The following KCNK2 variants were observed in gnomAD, a reference collection of about 807,000 sequenced individuals.
The protein encoded by KCNK2 is potassium two pore domain channel subfamily K member 2.
KCNK2 carries 21 observed loss-of-function variants against 40.5 expected under a neutral mutation model. That is an observed-to-expected ratio of 0.52 (90% confidence interval 0.37 to 0.75). The LOEUF (loss-of-function observed/expected upper bound fraction) is 0.75, where lower values mean the gene tolerates loss of function less well. Among genes scored for constraint, KCNK2 ranks in the 30% least tolerant of loss-of-function variants. The pLI, the probability that KCNK2 is intolerant of heterozygous loss-of-function variation, is 0.00. For synonymous variants in KCNK2, 191 were observed against 202.2 expected, an observed-to-expected ratio of 0.94 and a Z score of 0.47; for missense variants, 399 against 531.6, an observed-to-expected ratio of 0.75 and a Z score of 2.45.
intron 2 of KCNK2, among the ~76,000 whole-genome samples, chr1:215,095,686 C>T (rs1288953578): frequency 6.6e-6 from 1 of 152,024 alleles, no homozygotes; most frequent in Non-Finnish European, 1.5e-5. Flanking sequence ...TTACCCAACC[C>T]TACAAACCAA....
chr1:215,044,622 A>G (rs973861985), intron 1 of KCNK2, among the ~76,000 whole-genome samples: 1 of 152,158 alleles, frequency 6.6e-6, no homozygotes, highest in African/African-American at 2.4e-5. Flanking sequence ...GATTTAATTA[A>G]TAGATTAACC....
intron 2 of KCNK2, among the ~76,000 whole-genome samples, chr1:215,111,128 G>T (rs1051829152): frequency 6.6e-6 from 1 of 152,116 alleles, no homozygotes; most frequent in Non-Finnish European, 1.5e-5. Context: ...TTAGTAGTAT[G>T]CACTTAACGT....
chr1:215,131,894 G>T (rs940811561), intron 3 of KCNK2, among the ~76,000 whole-genome samples: 3 of 152,048 alleles, frequency 2.0e-5, no homozygotes, highest in African/African-American at 7.2e-5. Flanking sequence ...TGCCACTGGG[G>T]CTTTCAGTTG....
intron 1 of KCNK2, among the ~76,000 whole-genome samples, chr1:215,040,486 A>C (rs1657525545): frequency 6.6e-6 from 1 of 152,190 alleles, no homozygotes; most frequent in African/African-American, 2.4e-5. Flanking sequence ...GTGTGATATT[A>C]GGAAAGATAA....
intron 2 of KCNK2, among the ~76,000 whole-genome samples, chr1:215,106,465 T>C (rs1660444221): frequency 1.3e-5 from 2 of 152,118 alleles, no homozygotes; most frequent in Admixed American, 6.6e-5. Context: ...AAGTTCCTTA[T>C]GAATTCTGGA....
intron 2 of KCNK2, among the ~76,000 whole-genome samples, chr1:215,118,493 T>C (rs925898800): frequency 1.1e-4 from 16 of 152,136 alleles, no homozygotes; most frequent in Non-Finnish European, 2.4e-4. Context: ...TGTGGATGTG[T>C]GATTGGATTC....
chr1:215,175,685 G>A (rs1663937270), intron 5 of KCNK2, among the ~76,000 whole-genome samples: 1 of 151,844 alleles, frequency 6.6e-6, no homozygotes, highest in African/African-American at 2.4e-5. Flanking sequence ...AGTGTCTGTT[G>A]TTGCCATCTT....
At chr1:215,076,953 C>T (rs1658965128) in intron 1 of KCNK2, among the ~76,000 whole-genome samples, 1 of 152,186 alleles carries the variant, frequency 6.6e-6, no homozygotes. Context: ...GAGGATTGGT[C>T]AAATGTTATC....
intron 1 of KCNK2, among the ~76,000 whole-genome samples, chr1:215,013,482 G>T (rs1656480071): frequency 1.3e-5 from 2 of 152,098 alleles, no homozygotes; most frequent in Non-Finnish European, 2.9e-5. Flanking sequence ...GATTTTAATT[G>T]GGATAAGTGT....
At chr1:215,038,360 A>G (rs1165304783) in intron 1 of KCNK2, among the ~76,000 whole-genome samples, 1 of 152,108 alleles carries the variant, frequency 6.6e-6, no homozygotes, top group East Asian at 1.9e-4. Flanking sequence ...GGAAGGTCTT[A>G]CTTGCTGTTT....
rs528694714 is a variant in KCNK2 at position 215,156,938 on chromosome 1, C to A, written c.476-12261C>A. ...TGGTGGCTCGTGCCTGTAATCCCAG[C>A]TACTCGCGAGGCTGAGGCAGGAGAA... On this transcript the variant is annotated intron_variant, in intron 3 of 6. Transcript: ENST00000444842. Among the ~76,000 whole-genome samples, 52 of 152,228 alleles carry A rather than the reference C, an allele frequency of 3.4e-4. 1 individual carries two copies. Among genetic ancestry groups the A allele is most frequent in the African/African-American group, 1.2e-3 (51 of 41,546 alleles).
At chr1:215,072,553 A>G (rs77475551) in intron 1 of KCNK2, among the ~76,000 whole-genome samples, 1,862 of 152,300 alleles carry the variant, frequency 0.012, 40 homozygotes, top group African/African-American at 0.043. Context: ...TGGAAGGTCT[A>G]ACACACTGGG....
intron 1 of KCNK2, among the ~76,000 whole-genome samples, chr1:215,030,065 A>G (rs527918631): frequency 6.0e-4 from 91 of 152,316 alleles, no homozygotes; most frequent in African/African-American, 2.0e-3. Context: ...CATCCTTGCC[A>G]GCATTTGGTG....
chr1:215,040,095 A>G (rs1280606240), intron 1 of KCNK2, among the ~76,000 whole-genome samples: 1 of 152,150 alleles, frequency 6.6e-6, no homozygotes, highest in African/African-American at 2.4e-5. Context: ...TAAGTACTTT[A>G]CATTACATTA....
At chr1:215,163,549 G>A (rs1045360087) in intron 3 of KCNK2, among the ~76,000 whole-genome samples, 1 of 152,126 alleles carries the variant, frequency 6.6e-6, no homozygotes, top group African/African-American at 2.4e-5. Flanking sequence ...GATATTGGCT[G>A]TGGGTTTGTC....
chr1:215,007,049 GTATATATA>G (rs1184311265), intron 1 of KCNK2, among the ~76,000 whole-genome samples: 4 of 103,118 alleles, frequency 3.9e-5, no homozygotes, highest in South Asian at 3.0e-4. Flanking sequence ...GTGTGTGTGT[GTATATATA>G]TATGTGTGTG....
intron 1 of KCNK2, among the ~76,000 whole-genome samples, chr1:215,061,953 G>A (rs10864147): frequency 0.5 from 76,019 of 151,804 alleles, 19,722 homozygotes; most frequent in Middle Eastern, 0.74. Context: ...AAATCATCCT[G>A]GAATTATAGA....
In KCNK2 at chr1:215,236,963, A is replaced by G. The variant is rs369961511; in HGVS notation, c.*1818A>G. On this transcript the variant is annotated 3_prime_UTR_variant, in exon 7 of 7. Transcript: ENST00000444842. ...AAAAAATCCAACCAAAATTTTAGAAAGTCAGGCTCTTTTAGAAAGAAAGCT... is the reference window on the plus strand; with the variant it reads ...AAAAAATCCAACCAAAATTTTAGAAGGTCAGGCTCTTTTAGAAAGAAAGCT... The G allele has an allele frequency of 1.5e-4, 23 of 152,752 alleles. No homozygotes were observed. In the East Asian group the frequency reaches 4.2e-3, roughly 28 times the overall value. The allele number at this position is 152,752 out of a possible 1,614,324, so 9.5% of individuals were successfully genotyped here. A position where few individuals can be genotyped will look rare whatever the true frequency, so the allele number is the denominator to read the frequency against.
rs569016323 is a variant in KCNK2, at chr1:215,235,962, C to T, written c.*817C>T. ...GACCAGGCTGGTAAAATTGGCTGCTCGCAAACAATCCCCTTTTTTCCTGGC... is the reference window on the plus strand; with the variant it reads ...GACCAGGCTGGTAAAATTGGCTGCTTGCAAACAATCCCCTTTTTTCCTGGC... On this transcript the variant is annotated 3_prime_UTR_variant, in exon 7 of 7. Transcript: ENST00000444842. 9 of 152,540 alleles carry T rather than the reference C, an allele frequency of 5.9e-5. No individual in the cohort carries two copies. In the South Asian group the frequency reaches 1.0e-3, roughly 18 times the overall value. The allele number at this position is 152,540 out of a possible 1,614,324, so 9.4% of individuals were successfully genotyped here. A position where few individuals can be genotyped will look rare whatever the true frequency, so the allele number is the denominator to read the frequency against.
Sources: gnomAD v4.1 joint callset for allele counts (sites outside exome capture counted in the v4.1 genomes callset) on GRCh38, gnomAD v4.1.1 for gene constraint, MANE v1.5 for transcripts, NCBI Gene and HGNC (gene_info 2026-07-23, HGNC 2026-07-21) for gene names.